The following TTC34 variants were observed in gnomAD, a reference collection of about 807,000 sequenced individuals.
TTC34 encodes tetratricopeptide repeat protein 34.
Under a neutral mutation model 40.7 loss-of-function variants are expected in TTC34, and 44 were observed. The ratio of observed to expected loss-of-function variants is 1.08; its 90% confidence interval spans 0.85 to 1.39. The LOEUF (loss-of-function observed/expected upper bound fraction) is 1.39, where lower values mean the gene tolerates loss of function less well. Ranked by LOEUF, TTC34 falls within the 40% of genes most tolerant of loss-of-function variation. The pLI, the probability that TTC34 is intolerant of heterozygous loss-of-function variation, is 0.00. For synonymous variants in TTC34, 422 were observed against 398.6 expected, an observed-to-expected ratio of 1.06 and a Z score of -0.70; for missense variants, 884 against 838.0, an observed-to-expected ratio of 1.05 and a Z score of -0.68.
At chr1:2,687,865 C>G (rs1385440747) in intron 6 of TTC34, among the ~76,000 whole-genome samples, 1 of 151,732 alleles carries the variant, frequency 6.6e-6, no homozygotes, top group Non-Finnish European at 1.5e-5. Flanking sequence ...GAGCATCTGA[C>G]AGCCTGGAAC....
intron 6 of TTC34, among the ~76,000 whole-genome samples, chr1:2,768,131 G>C (rs181233145): frequency 2.6e-4 from 40 of 151,574 alleles, no homozygotes; most frequent in Admixed American, 1.8e-3. Flanking sequence ...TGCACACTTA[G>C]GTAAGAATCT....
intron 6 of TTC34, among the ~76,000 whole-genome samples, chr1:2,686,647 G>C (rs112833189): frequency 7.0e-4 from 94 of 133,498 alleles, no homozygotes; most frequent in African/African-American, 1.8e-3. Flanking sequence ...CACACACCCA[G>C]GTGAGCATCT....
chr1:2,683,296 G>C (rs1333817631), intron 6 of TTC34, among the ~76,000 whole-genome samples: 1 of 146,144 alleles, frequency 6.8e-6, no homozygotes, highest in Admixed American at 6.8e-5. Context: ...TGACAGCCTG[G>C]AACAGAATCC....
At chr1:2,699,551 A>G (rs865961970) in intron 6 of TTC34, among the ~76,000 whole-genome samples, 1 of 145,598 alleles carries the variant, frequency 6.9e-6, no homozygotes, top group South Asian at 2.2e-4. Flanking sequence ...TGAGCATCTG[A>G]CAGCCTGGAG....
At chr1:2,681,220 A>G (rs1248989541) in intron 6 of TTC34, among the ~76,000 whole-genome samples, 139 of 126,012 alleles carry the variant, frequency 1.1e-3, no homozygotes, top group Non-Finnish European at 1.8e-3. Flanking sequence ...AGCAGCACCC[A>G]CACCCCCAGG....
intron 6 of TTC34, chr1:2,775,357 G>A (rs1456594934): frequency 6.7e-6 from 1 of 149,940 alleles, no homozygotes; most frequent in Non-Finnish European, 1.5e-5. Flanking sequence ...GCTCTTCCAG[G>A]TGAGAATATG....
intron 6 of TTC34, chr1:2,773,467 A>G (rs1642672393): frequency 1.3e-5 from 1 of 74,614 alleles, no homozygotes; most frequent in African/African-American, 4.7e-5. Context: ...CACCGAGGTG[A>G]GCATCTGACA....
chr1:2,672,739 G>A (rs1200349536), intron 6 of TTC34, among the ~76,000 whole-genome samples: 177 of 77,922 alleles, frequency 2.3e-3, no homozygotes, highest in Non-Finnish European at 4.4e-3. Flanking sequence ...TGACAGCGTG[G>A]AGCAGCACCC....
chr1:2,655,568 C>G (rs1293954529), intron 6 of TTC34, among the ~76,000 whole-genome samples: 1 of 151,846 alleles, frequency 6.6e-6, no homozygotes, highest in Non-Finnish European at 1.5e-5. Context: ...CAACAGCTCT[C>G]ACAACCCCAG....
chr1:2,691,933 C>A lies in TTC34; in HGVS notation c.2227-46370G>T, dbSNP rs558569145. Among the ~76,000 whole-genome samples the A allele has an allele frequency of 8.3e-4, 68 of 81,692 alleles. 11 individuals carry two copies. The highest frequency in any genetic ancestry group is 1.6e-3 in the Admixed American group (12 of 7,328). 53.6% of individuals were successfully genotyped at this position (81,692 alleles called of 152,430 possible). On this transcript the variant is annotated intron_variant, in intron 6 of 8. Transcript: ENST00000401095. ...CAGGTGAGCATCTGACAGTCTGGAA[C>A]ACCACGCACAACCCCAGGTGAGCAT...
At chr1:2,759,488 A>T (rs1641620471) in intron 6 of TTC34, among the ~76,000 whole-genome samples, 2 of 124,450 alleles carry the variant, frequency 1.6e-5, no homozygotes, top group Admixed American at 8.1e-5. Context: ...CCCCCAGGTG[A>T]GCATCGGGCA....
intron 6 of TTC34, among the ~76,000 whole-genome samples, chr1:2,675,142 C>T (rs1357318634): frequency 1.9e-4 from 1 of 5,152 alleles, no homozygotes; most frequent in African/African-American, 5.3e-4. Context: ...AATCTGACAG[C>T]CCGTAGCAGC....
chr1:2,777,557 A>T (rs922442449), intron 6 of TTC34, among the ~76,000 whole-genome samples: 2 of 152,150 alleles, frequency 1.3e-5, no homozygotes, highest in African/African-American at 4.8e-5. Flanking sequence ...CTGTGGTGAA[A>T]CCAAGGCTGA....
At chr1:2,649,911 TG>T (rs1340215684) in intron 6 of TTC34, among the ~76,000 whole-genome samples, 1 of 150,108 alleles carries the variant, frequency 6.7e-6, no homozygotes, top group Non-Finnish European at 1.5e-5. Context: ...TCTGACAGCC[TG>T]GAATGGCACT....
intron 6 of TTC34, among the ~76,000 whole-genome samples, chr1:2,652,341 T>G (rs1570753371): frequency 8.0e-5 from 9 of 112,062 alleles, no homozygotes; most frequent in East Asian, 6.2e-4. Context: ...GGTGAGCATC[T>G]GATATCCTGG....
intron 6 of TTC34, among the ~76,000 whole-genome samples, chr1:2,750,989 C>T (rs1376511224): frequency 1.1e-5 from 1 of 89,786 alleles, no homozygotes; most frequent in Non-Finnish European, 2.1e-5. Context: ...ATGTGATGGT[C>T]TGGAGCAGCA....
rs1169227155 is a variant in TTC34 at position 2,752,556 on chromosome 1, G to T, written c.2226+31053C>A. ...TCCCCAGGTGAGCATCTGACAGCCT[G>T]GAACAGCACCTTGCACCCCCAGGTG... On this transcript the variant is annotated intron_variant, in intron 6 of 8. Coordinates refer to ENST00000401095, the Ensembl canonical transcript of TTC34. 6.8e-5 allele frequency among the ~76,000 whole-genome samples: 8 copies of T among 117,320 alleles called. No homozygotes were observed. In the East Asian group the frequency reaches 1.8e-3, roughly 26 times the overall value. 77.0% of individuals were successfully genotyped at this position (117,320 alleles called of 152,430 possible). A position where few individuals can be genotyped will look rare whatever the true frequency, so the allele number is the denominator to read the frequency against.
intron 6 of TTC34, among the ~76,000 whole-genome samples, chr1:2,684,991 C>A (rs552787685): frequency 7.5e-6 from 1 of 133,968 alleles, no homozygotes; most frequent in East Asian, 2.2e-4. Context: ...TAGAACAGCA[C>A]CCATACCCCC....
intron 6 of TTC34, among the ~76,000 whole-genome samples, chr1:2,765,756 C>T (rs1400332053): frequency 2.3e-5 from 1 of 42,892 alleles, no homozygotes; most frequent in Non-Finnish European, 3.7e-5. Context: ...GCGCCCACAC[C>T]CCCAGGTGAG....
Sources: allele counts gnomAD v4.1 joint callset (sites outside exome capture counted in the v4.1 genomes callset), GRCh38; gene constraint gnomAD v4.1.1; transcripts MANE v1.5; gene names NCBI Gene and HGNC (gene_info 2026-07-23, HGNC 2026-07-21).